Variants in PCSK1 observed in about 807,000 individuals in gnomAD.
The protein encoded by PCSK1 is proprotein convertase subtilisin/kexin type 1.
In PCSK1, 56 loss-of-function variants were observed where a neutral mutation model predicts 90.6. The ratio of observed to expected loss-of-function variants is 0.62; its 90% CI spans 0.50 to 0.77. The LOEUF is 0.77. PCSK1 is among the 30% of genes least tolerant of loss of function. The pLI, the probability that PCSK1 is intolerant of heterozygous loss-of-function variation, is 0.00. For synonymous variants in PCSK1, 348 were observed against 342.4 expected, an observed-to-expected ratio of 1.02 and a Z score of -0.18; for missense variants, 801 against 932.6, an observed-to-expected ratio of 0.86 and a Z score of 1.84.
At position 96,392,831 on chromosome 5, in the gene PCSK1, T is replaced by A. The variant is rs950364201; in HGVS notation, c.*170A>T. 46 of 696,738 alleles carry A rather than the reference T, an allele frequency of 6.6e-5. No individual in the cohort carries two copies. The highest frequency in any genetic ancestry group is 1.1e-4 in the Non-Finnish European group (44 of 398,002). 43.2% of individuals were successfully genotyped at this position (696,738 alleles called of 1,614,324 possible). On this transcript the variant is annotated 3_prime_UTR_variant, in exon 14 of 14. Transcript: ENST00000311106. ...GATCAATTCTGGAAGTTGAACTTCC[T>A]GCTTGAGCTCATCCCCTTCACATGT... is the stretch of plus-strand genomic sequence containing the variant.
At chr5:96,425,248 CACCCTGCAGGTAGACAGCAACACTTA>C (rs1761270195) in intron 3 of PCSK1, among the ~76,000 whole-genome samples, 1 of 152,210 alleles carries the variant, frequency 6.6e-6, no homozygotes, top group Non-Finnish European at 1.5e-5. Flanking sequence ...GAAGAGAGGA[CACCCTGCAGGTAGACAGCAACACTTA>C]ACAATTTCTT....
Position 96,421,908 on chromosome 5 carries a change from G to A in PCSK1, c.592C>T (p.Pro198Ser), listed in dbSNP as rs773162585. 1 of 1,587,802 alleles carries A rather than the reference G, an allele frequency of 6.3e-7. No homozygotes were observed. The highest frequency in any genetic ancestry group is 8.6e-7 in the Non-Finnish European group (1 of 1,158,118). ...DFNDNDHDPF[P>S]RYDPTNENKH... ...TTCTCGTTTGTGGGATCATATCGGGGAAATGGATCATGGTCATTATCATTA... is the reference window on the plus strand; with the variant it reads ...TTCTCGTTTGTGGGATCATATCGGGAAAATGGATCATGGTCATTATCATTA... The change falls in exon 5 of 14, where the codon CCC becomes TCC. Residue 198 changes from proline to serine, a missense_variant. Coordinates refer to ENST00000311106, the MANE Select transcript of PCSK1 (RefSeq NM_000439.5).
Position 96,410,867 on chromosome 5 carries a change from G to A in PCSK1, c.1002C>T (p.Ala334=), listed in dbSNP as rs751916585. Residue 334 remains alanine (A), a synonymous_variant, in exon 8 of 14, where the codon GCC becomes GCT. Coordinates refer to ENST00000311106, the MANE Select transcript of PCSK1 (RefSeq NM_000439.5). ...DSIYTISISS[A]SQQGLSPWYA... is the part of the protein sequence containing the mutation. ...ACCAGGGGGATAGGCCTTGCTGGGAGGCACTGCTGATGGAGATGGTGTAGA... is the reference window on the plus strand; with the variant it reads ...ACCAGGGGGATAGGCCTTGCTGGGAAGCACTGCTGATGGAGATGGTGTAGA... 2.2e-5 allele frequency: 35 copies of A among 1,613,888 alleles called. No individual in the cohort carries two copies. Among genetic ancestry groups the A allele is most frequent in the Non-Finnish European group, 2.8e-5 (33 of 1,179,872 alleles).
chr5:96,406,775 C>G (rs1183262680), intron 9 of PCSK1, among the ~76,000 whole-genome samples: 1 of 152,186 alleles, frequency 6.6e-6, no homozygotes, highest in Admixed American at 6.5e-5. Context: ...GTAATTTATT[C>G]TAGGATAATC....
chr5:96,423,434 A>T lies in PCSK1; in HGVS notation c.422T>A (p.Leu141Gln), dbSNP rs1486438351. Residue 141 changes from leucine (L) to glutamine (Q), a missense_variant, in exon 4 of 14, where the codon CTG becomes CAG. Physicochemically the swap from Leu to Gln is moderately radical, Grantham distance 113. Coordinates refer to ENST00000311106, the MANE Select transcript of PCSK1 (RefSeq NM_000439.5). ...YLQDTRMTAALPKLDLHVIPV... is the reference protein window; with the variant it reads ...YLQDTRMTAAQPKLDLHVIPV... ...TATCACATGAAGGTCCAGCTTGGGC[A>T]GGGCTGCCGTCATCCTGGTATCTTG... 1 of 1,614,124 alleles carries T rather than the reference A, an allele frequency of 6.2e-7. No individual in the cohort carries two copies. Among genetic ancestry groups the T allele is most frequent in the South Asian group, 1.1e-5 (1 of 91,082 alleles).
intron 6 of PCSK1, 23 bp downstream of exon 6, chr5:96,416,010 A>T: frequency 6.9e-7 from 1 of 1,457,160 alleles, no homozygotes; most frequent in Non-Finnish European, 9.6e-7. Context: ...ATGCCAAGCT[A>T]TAGGGACAAT....
At chr5:96,411,189 A>G (rs1210639933) in intron 7 of PCSK1, among the ~76,000 whole-genome samples, 2 of 152,234 alleles carry the variant, frequency 1.3e-5, no homozygotes, top group Non-Finnish European at 1.5e-5. Context: ...TGGCCCTGCC[A>G]GTCTCTGGGC....
At chr5:96,400,955 C>T (rs1338435279) in intron 9 of PCSK1, among the ~76,000 whole-genome samples, 2 of 151,128 alleles carry the variant, frequency 1.3e-5, no homozygotes, top group South Asian at 4.2e-4. Flanking sequence ...GGCGCGGTGG[C>T]GGGCGCCTGT....
At chr5:96,426,672 A>G (rs1761318191) in intron 2 of PCSK1, among the ~76,000 whole-genome samples, 1 of 152,208 alleles carries the variant, frequency 6.6e-6, no homozygotes, top group Admixed American at 6.5e-5. Flanking sequence ...TCATTATGAG[A>G]TAATTCTATA....
intron 1 of PCSK1, among the ~76,000 whole-genome samples, chr5:96,431,701 T>C (rs918002933): frequency 2.0e-5 from 3 of 152,124 alleles, no homozygotes; most frequent in Admixed American, 1.3e-4. Context: ...ATGAAGCCTC[T>C]AGCAAGAGCA....
At chr5:96,417,702 A>T (rs1342421315) in intron 5 of PCSK1, among the ~76,000 whole-genome samples, 6 of 152,194 alleles carry the variant, frequency 3.9e-5, no homozygotes, top group African/African-American at 1.4e-4. Flanking sequence ...ACTTGGGTGA[A>T]TATTTTTAAA....
chr5:96,410,260 A>G (rs1580754718), intron 8 of PCSK1, among the ~76,000 whole-genome samples: 3 of 152,098 alleles, frequency 2.0e-5, no homozygotes, highest in South Asian at 4.1e-4. Flanking sequence ...CTGCTTACCC[A>G]GATGCTGAGC....
rs114243383 is a variant in PCSK1, at chr5:96,431,119, T to C, written c.180+1744A>G. On this transcript the variant is annotated intron_variant, in intron 1 of 13. Coordinates refer to ENST00000311106, the MANE Select transcript of PCSK1 (RefSeq NM_000439.5). Reference sequence around the variant, plus strand: ...AATCCCCAGTGTCCACCCCCATAGGTCATACATGATTTGTATGATGTCCAC... The same window carrying C: ...AATCCCCAGTGTCCACCCCCATAGGCCATACATGATTTGTATGATGTCCAC... Among the ~76,000 whole-genome samples the C allele has an allele frequency of 3.7e-3, 557 of 152,260 alleles. 2 individuals carry two copies. Among genetic ancestry groups the C allele is most frequent in the African/African-American group, 0.013 (534 of 41,542 alleles).
At chr5:96,420,504 A>C (rs1028558246) in intron 5 of PCSK1, among the ~76,000 whole-genome samples, 1 of 152,076 alleles carries the variant, frequency 6.6e-6, no homozygotes, top group African/African-American at 2.4e-5. Context: ...CCCTTTAGTC[A>C]CCCTCAAAGA....
rs1406395982 is a variant in PCSK1, at chr5:96,423,387, T to A, written c.469A>T (p.Thr157Ser). 2 of 1,613,976 alleles carry A rather than the reference T, an allele frequency of 1.2e-6. No homozygotes were observed. ...HVIPVWQKGITGKGVVITVLD... is the reference protein window; with the variant it reads ...HVIPVWQKGISGKGVVITVLD... ...ACGGTGATAACAACTCCTTTGCCCGTAATGCCTTTTTGCCAAACAGGTATC... is the reference window on the plus strand; with the variant it reads ...ACGGTGATAACAACTCCTTTGCCCGAAATGCCTTTTTGCCAAACAGGTATC... Residue 157 changes from threonine (T) to serine (S), a missense_variant, in exon 4 of 14, where the codon ACG becomes TCG. Transcript: ENST00000311106.
At position 96,393,187 on chromosome 5, in the gene PCSK1, C is replaced by T. The variant is rs570064523; in HGVS notation, c.2076G>A (p.Lys692=). Residue 692 remains lysine (K), a synonymous_variant, in exon 14 of 14, where the codon AAG becomes AAA. Transcript: ENST00000311106. ...KQSPKKSPSA[K]LNIPYENFYE... ...AGAAGTTTTCATAAGGGATGTTGAG[C>T]TTTGCACTTGGGGACTTCTTTGGTG... 16 of 1,614,032 alleles carry T rather than the reference C, an allele frequency of 9.9e-6. No individual in the cohort carries two copies. The highest frequency in any genetic ancestry group is 4.4e-5 in the South Asian group (4 of 91,080).
At chr5:96,426,081 A>G in intron 2 of PCSK1, 151 bp from the exon 3 acceptor site, 1 of 676,348 alleles carries the variant, frequency 1.5e-6, no homozygotes, top group South Asian at 1.6e-5. Context: ...CTCAGTGAGA[A>G]GAAGGGATTG....
At chr5:96,432,494 C>T (rs1761538188) in intron 1 of PCSK1, among the ~76,000 whole-genome samples, 1 of 152,216 alleles carries the variant, frequency 6.6e-6, no homozygotes. Context: ...ATGGAGCGCA[C>T]TGCTTCTCCC....
intron 4 of PCSK1, 48 bp downstream of exon 4, chr5:96,423,265 T>C (rs1056232351): frequency 9.6e-6 from 15 of 1,567,652 alleles, no homozygotes; most frequent in South Asian, 8.1e-5. Flanking sequence ...ACTGTGTGTC[T>C]GCACAGACAG....
Sources: gnomAD v4.1 joint callset for allele counts (sites outside exome capture counted in the v4.1 genomes callset) on GRCh38, gnomAD v4.1.1 for gene constraint, MANE v1.5 for transcripts, NCBI Gene and HGNC (gene_info 2026-07-23, HGNC 2026-07-21) for gene names.